The following TARBP1 variants were observed in gnomAD, a reference collection of about 807,000 sequenced individuals.
TARBP1 encodes tRNA (guanosine(18)-2'-O)-methyltransferase TARBP1.
A neutral mutation model predicts 178.6 loss-of-function variants in TARBP1; 144 were observed. The observed-to-expected ratio is 0.81, with a 90% confidence interval of 0.70 to 0.93. TARBP1 has a LOEUF of 0.93. Among genes scored for constraint, TARBP1 ranks in the 40% least tolerant of loss-of-function variants. The probability of loss-of-function intolerance (pLI) is 0.00; values close to 1 mark genes in which losing one functional copy is unlikely to be tolerated. For synonymous variants in TARBP1, 787 were observed against 781.0 expected (o/e 1.01, Z -0.13); for missense variants, 2,067 against 2,011.7 (o/e 1.03, Z -0.53).
intron 12 of TARBP1, 123 bp downstream of exon 12, chr1:234,446,680 T>C: frequency 1.1e-5 from 3 of 280,862 alleles, no homozygotes; most frequent in Non-Finnish European, 1.6e-5. Flanking sequence ...CTTAAATATA[T>C]ATAATTTCTA....
intron 4 of TARBP1, among the ~76,000 whole-genome samples, chr1:234,466,673 G>A (rs1442692858): frequency 6.6e-6 from 1 of 152,046 alleles, no homozygotes; most frequent in African/African-American, 2.4e-5. Context: ...GACCAGCCCA[G>A]CCAAGATGGT....
chr1:234,402,362 T>C (rs1365177119), intron 24 of TARBP1, among the ~76,000 whole-genome samples: 2 of 152,178 alleles, frequency 1.3e-5, no homozygotes, highest in Non-Finnish European at 2.9e-5. Context: ...CCCCCACCAC[T>C]AGCTGTTGAA....
chr1:234,453,044 G>A (rs769633467), intron 9 of TARBP1, among the ~76,000 whole-genome samples: 6 of 152,178 alleles, frequency 3.9e-5, no homozygotes, highest in Admixed American at 6.5e-5. Flanking sequence ...CAGCTGCCAA[G>A]GTCTGGGGGA....
rs2273874 is a variant in TARBP1, at chr1:234,437,448, A to C, written c.2135-76T>G. ...CAAAACACACCAGATATTCTAGTAAATGTACAACTGGGCTAAGCACGTGAA... is the reference window on the plus strand; with the variant it reads ...CAAAACACACCAGATATTCTAGTAACTGTACAACTGGGCTAAGCACGTGAA... On this transcript the variant is annotated intron_variant, in intron 12 of 29. Transcript: ENST00000040877. The C allele has an allele frequency of 2.8e-4, 187 of 661,238 alleles. No homozygotes were observed. In the East Asian group the frequency reaches 5.2e-3, roughly 18 times the overall value. The allele number at this position is 661,238 out of a possible 1,614,324, so 41.0% of individuals were successfully genotyped here.
chr1:234,391,586 G>A lies in TARBP1; in HGVS notation c.4857C>T (p.Thr1619=), dbSNP rs753181833. 8 of 1,609,076 alleles carry A rather than the reference G, an allele frequency of 5.0e-6. No homozygotes were observed. Among genetic ancestry groups the A allele is most frequent in the Middle Eastern group, 3.5e-4 (2 of 5,676 alleles). The change falls in exon 30 of 30, where the codon ACC becomes ACT. Residue 1619 remains threonine (T), a synonymous_variant. Transcript: ENST00000040877. ...TRQQLLSHGD[T]KP The stretch of plus-strand genomic sequence containing the variant: ...CACTAAGGAAGGCACATCATGGCTT[G>A]GTATCTCCGTGCGAGAGCAGCTGCT...
chr1:234,438,489 G>C (rs1255044361), intron 12 of TARBP1, among the ~76,000 whole-genome samples: 1 of 152,158 alleles, frequency 6.6e-6, no homozygotes, highest in Non-Finnish European at 1.5e-5. Flanking sequence ...TAATTGAAAA[G>C]TACAATAACT....
At chr1:234,476,270 A>G (rs1669561230) in intron 1 of TARBP1, among the ~76,000 whole-genome samples, 1 of 152,228 alleles carries the variant, frequency 6.6e-6, no homozygotes, top group Non-Finnish European at 1.5e-5. Context: ...GAATTATCAG[A>G]CAAACAAGAC....
intron 1 of TARBP1, among the ~76,000 whole-genome samples, chr1:234,474,714 G>A (rs1394598839): frequency 2.6e-5 from 4 of 151,002 alleles, no homozygotes; most frequent in Non-Finnish European, 4.4e-5. Flanking sequence ...TTCCAGGCTC[G>A]AATTCTACCC....
chr1:234,478,814 A>G lies in TARBP1; in HGVS notation c.290T>C (p.Leu97Pro). Residue 97 changes from leucine (L) to proline (P), a missense_variant, in exon 1 of 30, where the codon CTG becomes CCG. Transcript: ENST00000040877. The part of the protein sequence containing the change: ...SLQPRHRRRV[L>P]RAAGAALRSC... Reference sequence around the variant, plus strand: ...GCGCAGGGCCGCGCCCGCCGCCCTCAGCACGCGCCGGCGGTGGCGAGGCTG... The same window carrying G: ...GCGCAGGGCCGCGCCCGCCGCCCTCGGCACGCGCCGGCGGTGGCGAGGCTG... 1 of 1,165,414 alleles carries G rather than the reference A, an allele frequency of 8.6e-7. No individual in the cohort carries two copies. Among genetic ancestry groups the G allele is most frequent in the Non-Finnish European group, 1.1e-6 (1 of 947,902 alleles). The allele number at this position is 1,165,414 out of a possible 1,614,324, so 72.2% of individuals were successfully genotyped here.
At chr1:234,418,987 AC>A (rs1220250710) in intron 21 of TARBP1, among the ~76,000 whole-genome samples, 1 of 152,132 alleles carries the variant, frequency 6.6e-6, no homozygotes, top group African/African-American at 2.4e-5. Context: ...CCTGGCTAAC[AC>A]GGTGAAACCC....
intron 12 of TARBP1, among the ~76,000 whole-genome samples, chr1:234,441,389 A>C (rs879768279): frequency 1.3e-5 from 2 of 152,162 alleles, no homozygotes; most frequent in African/African-American, 2.4e-5. Context: ...ATTTTTGGAC[A>C]AAAACCACAC....
chr1:234,438,226 A>G (rs1477352599), intron 12 of TARBP1, among the ~76,000 whole-genome samples: 2 of 152,222 alleles, frequency 1.3e-5, no homozygotes, highest in Non-Finnish European at 2.9e-5. Flanking sequence ...ATAATATTCA[A>G]AACAGCTAGG....
chr1:234,469,096 A>G (rs1668792956), intron 3 of TARBP1, among the ~76,000 whole-genome samples: 1 of 134,756 alleles, frequency 7.4e-6, no homozygotes, highest in African/African-American at 2.7e-5. Flanking sequence ...AAAAAAGGCA[A>G]AAACCGCAAC....
intron 22 of TARBP1, among the ~76,000 whole-genome samples, chr1:234,413,056 GC>G (rs1284651694): frequency 1.3e-5 from 2 of 152,290 alleles, no homozygotes; most frequent in Admixed American, 1.3e-4. Context: ...AAGAGGTCCA[GC>G]TACCCTGCTG....
rs1031129228 is a variant in TARBP1 at position 234,446,891 on chromosome 1, G to A, written c.2046C>T (p.Tyr682=). The stretch of plus-strand genomic sequence containing the variant: ...ATCTGTCAGTCTTCAGCAAGGGCAT[G>A]TAGGCATTGGTACTAAACTTCATAA... ...DVLMKFSTNA[Y]MPLLKTDRCL... Residue 682 remains tyrosine, a synonymous_variant, in exon 12 of 30, where the codon TAC becomes TAT. Coordinates refer to ENST00000040877, the MANE Select transcript of TARBP1 (RefSeq NM_005646.4). The A allele has an allele frequency of 2.5e-6, 4 of 1,613,904 alleles. No homozygotes were observed. Among genetic ancestry groups the A allele is most frequent in the South Asian group, 1.1e-5 (1 of 91,086 alleles).
At chr1:234,399,522 C>A (rs1294089115) in intron 25 of TARBP1, among the ~76,000 whole-genome samples, 2 of 152,148 alleles carry the variant, frequency 1.3e-5, no homozygotes, top group African/African-American at 4.8e-5. Flanking sequence ...TTGACCCAGC[C>A]ATCCCATTAC....
chr1:234,419,188 A>AAAAATG (rs904078745), intron 21 of TARBP1, among the ~76,000 whole-genome samples: 1 of 152,046 alleles, frequency 6.6e-6, no homozygotes, highest in Non-Finnish European at 1.5e-5. Flanking sequence ...AAATAAAAAT[A>AAAAATG]AAAATAAAAT....
At chr1:234,449,867 T>C (rs1001292301) in intron 10 of TARBP1, among the ~76,000 whole-genome samples, 2 of 151,896 alleles carry the variant, frequency 1.3e-5, no homozygotes, top group African/African-American at 4.9e-5. Flanking sequence ...AATTAATGAA[T>C]CTGTTAAGAG....
rs1403910696 is a variant in TARBP1 at position 234,463,893 on chromosome 1, A to G, written c.1343T>C (p.Leu448Pro). ...AGTGACTAAAAACTTCTGTAATTTCAGTCCCAATGGAGAACAGCTTCCTAT... is the reference window on the plus strand; with the variant it reads ...AGTGACTAAAAACTTCTGTAATTTCGGTCCCAATGGAGAACAGCTTCCTAT... ...QPIGSCSPLG[L>P]KLQKFLVTYI... Residue 448 changes from leucine to proline, a missense_variant, in exon 6 of 30, where the codon CTG becomes CCG. By Grantham distance (98) the Leu-to-Pro change is moderately conservative (BLOSUM62 -3). Transcript: ENST00000040877. 3 of 1,599,010 alleles carry G rather than the reference A, an allele frequency of 1.9e-6. No homozygotes were observed. The Admixed American group carries it at 5.2e-5, about 28-fold the overall frequency.
Sources: allele counts gnomAD v4.1 joint callset (sites outside exome capture counted in the v4.1 genomes callset), GRCh38; gene constraint gnomAD v4.1.1; transcripts MANE v1.5; gene names NCBI Gene and HGNC (gene_info 2026-07-23, HGNC 2026-07-21).